The following NAV3 variants were observed in gnomAD, a reference collection of about 807,000 sequenced individuals.
NAV3 encodes the protein pore membrane and/or filament interacting like protein 1.
NAV3 carries 87 observed loss-of-function variants against 244.7 expected under a neutral mutation model. The ratio of observed to expected loss-of-function variants is 0.36; its 90% CI spans 0.30 to 0.42. NAV3 has a LOEUF of 0.42. Ranked by LOEUF, NAV3 falls within the 20% of genes least tolerant of loss-of-function variation. The pLI, the probability that NAV3 is intolerant of heterozygous loss-of-function variation, is 1.00. For missense variants in NAV3, 2,663 were observed against 2,893.3 expected, an observed-to-expected ratio of 0.92 and a Z score of 1.83; for synonymous variants, 1,126 against 1,042.2, an observed-to-expected ratio of 1.08 and a Z score of -1.55.
At chr12:77,907,431 G>A (rs1021868973) in intron 1 of NAV3, among the ~76,000 whole-genome samples, 2 of 152,012 alleles carry the variant, frequency 1.3e-5, no homozygotes, top group African/African-American at 2.4e-5. Context: ...TCAAGATCGA[G>A]CTCAATTTCA....
intron 2 of NAV3, among the ~76,000 whole-genome samples, chr12:77,740,120 A>T (rs533857292): frequency 5.3e-5 from 8 of 152,224 alleles, no homozygotes; most frequent in Non-Finnish European, 1.2e-4. Context: ...TAGCTGTAAA[A>T]TAAAGGGTGA....
intron 2 of NAV3, among the ~76,000 whole-genome samples, chr12:77,762,013 G>T (rs576427802): frequency 6.6e-6 from 1 of 152,250 alleles, no homozygotes; most frequent in East Asian, 1.9e-4. Flanking sequence ...CAGTAGCAAA[G>T]ACTTGGAACC....
chr12:77,872,093 G>T (rs1881053989), intron 1 of NAV3, among the ~76,000 whole-genome samples: 1 of 152,118 alleles, frequency 6.6e-6, no homozygotes, highest in African/African-American at 2.4e-5. Flanking sequence ...CTTCTTTTGA[G>T]AAGTGTCTGT....
intron 7 of NAV3, among the ~76,000 whole-genome samples, chr12:78,001,262 C>T (rs1873248174): frequency 6.6e-6 from 1 of 151,998 alleles, no homozygotes; most frequent in Admixed American, 6.6e-5. Context: ...AATTGCTTTT[C>T]CCTTTTAGTT....
chr12:77,779,578 A>G (rs969771120), intron 2 of NAV3, among the ~76,000 whole-genome samples: 1 of 152,218 alleles, frequency 6.6e-6, no homozygotes, highest in African/African-American at 2.4e-5. Context: ...AGGTTTTATA[A>G]CTTATTTATA....
At chr12:77,904,998 A>G (rs1885808415) in intron 1 of NAV3, among the ~76,000 whole-genome samples, 1 of 152,164 alleles carries the variant, frequency 6.6e-6, no homozygotes, top group Non-Finnish European at 1.5e-5. Context: ...TATGTATTCA[A>G]TGCAGAAATC....
intron 2 of NAV3, among the ~76,000 whole-genome samples, chr12:77,593,450 A>T (rs1051206692): frequency 6.7e-6 from 1 of 149,770 alleles, no homozygotes; most frequent in Non-Finnish European, 1.5e-5. Flanking sequence ...AATTATTATT[A>T]TTTATTTTAT....
chr12:77,924,920 G>A (rs1186222006), intron 1 of NAV3, among the ~76,000 whole-genome samples: 1 of 151,176 alleles, frequency 6.6e-6, no homozygotes. Context: ...ATAATCCTAC[G>A]AGATAGGCAG....
intron 2 of NAV3, among the ~76,000 whole-genome samples, chr12:77,738,383 A>C (rs1354842390): frequency 4.6e-5 from 7 of 152,246 alleles, no homozygotes; most frequent in Non-Finnish European, 1.0e-4. Flanking sequence ...TATAGGAGAC[A>C]CTAGATGTAA....
intron 1 of NAV3, among the ~76,000 whole-genome samples, chr12:77,870,056 C>T (rs1250605901): frequency 6.6e-6 from 1 of 152,036 alleles, no homozygotes; most frequent in Non-Finnish European, 1.5e-5. Flanking sequence ...TATAAAAATG[C>T]AAAAGTAGTT....
intron 2 of NAV3, among the ~76,000 whole-genome samples, chr12:77,772,658 G>T (rs1439523958): frequency 7.2e-5 from 11 of 152,092 alleles, no homozygotes; most frequent in Admixed American, 7.2e-4. Context: ...AATTCTCCTT[G>T]GTTGGTTTGA....
intron 1 of NAV3, among the ~76,000 whole-genome samples, chr12:77,933,045 T>C (rs1334892562): frequency 6.6e-6 from 1 of 152,222 alleles, no homozygotes; most frequent in African/African-American, 2.4e-5. Context: ...TTCATAGTTA[T>C]GTTTTACTCT....
intron 1 of NAV3, among the ~76,000 whole-genome samples, chr12:77,884,755 T>C (rs767422702): frequency 2.6e-5 from 4 of 152,136 alleles, no homozygotes; most frequent in Admixed American, 6.6e-5. Flanking sequence ...AGAATGCTTT[T>C]ACCAGTTCTC....
At chr12:77,739,643 C>G (rs12321720) in intron 2 of NAV3, among the ~76,000 whole-genome samples, 3,469 of 152,206 alleles carry the variant, frequency 0.023, 128 homozygotes, top group African/African-American at 0.077. Context: ...TAAATCACAT[C>G]CACCTAAAGC....
At chr12:78,026,012 A>G (rs1877993104) in intron 9 of NAV3, among the ~76,000 whole-genome samples, 1 of 152,184 alleles carries the variant, frequency 6.6e-6, no homozygotes, top group Non-Finnish European at 1.5e-5. Flanking sequence ...TTTCAGAGTC[A>G]TGTATCCCCT....
At chr12:77,937,967 A>G (rs760893741) in intron 1 of NAV3, among the ~76,000 whole-genome samples, 6 of 152,092 alleles carry the variant, frequency 3.9e-5, no homozygotes, top group South Asian at 4.1e-4. Context: ...TTGTTTTACA[A>G]CAAGACTTTT....
intron 2 of NAV3, among the ~76,000 whole-genome samples, chr12:77,647,092 A>G (rs141634816): frequency 2.0e-4 from 30 of 151,650 alleles, no homozygotes; most frequent in African/African-American, 6.5e-4. Flanking sequence ...ACACACGTAT[A>G]TGTACCTTAG....
intron 2 of NAV3, among the ~76,000 whole-genome samples, chr12:77,814,294 A>G (rs1274955331): frequency 6.6e-6 from 1 of 152,018 alleles, no homozygotes; most frequent in Non-Finnish European, 1.5e-5. Context: ...ATCTCCTAAC[A>G]TTTTCTGCCC....
At chr12:77,924,874 T>G (rs1031534953) in intron 1 of NAV3, among the ~76,000 whole-genome samples, 4 of 151,942 alleles carry the variant, frequency 2.6e-5, no homozygotes, top group African/African-American at 9.7e-5. Flanking sequence ...CTCATTTTAC[T>G]TTTGCACATG....
Sources: allele counts gnomAD v4.1 joint callset (sites outside exome capture counted in the v4.1 genomes callset), GRCh38; gene constraint gnomAD v4.1.1; transcripts MANE v1.5; gene names NCBI Gene and HGNC (gene_info 2026-07-23, HGNC 2026-07-21).